Variants in DSCAML1 observed in about 807,000 individuals in gnomAD.
DSCAML1 encodes cell adhesion molecule DSCAML1.
In DSCAML1, 38 loss-of-function variants were observed where a neutral mutation model predicts 200.5. That is an observed-to-expected ratio of 0.19 (90% CI 0.15 to 0.25). The LOEUF is 0.25. DSCAML1 is among the 10% of genes least tolerant of loss of function. The pLI is 1.00. For missense variants in DSCAML1, 2,223 were observed against 2,858.8 expected (o/e 0.78, Z 5.07); for synonymous variants, 1,215 against 1,165.0 (o/e 1.04, Z -0.87).
intron 27 of DSCAML1, among the ~76,000 whole-genome samples, chr11:117,434,778 A>G (rs1314767865): frequency 2.0e-5 from 3 of 151,966 alleles, no homozygotes; most frequent in Non-Finnish European, 4.4e-5. Context: ...CTAGTCATTC[A>G]ATTATCCACC....
At chr11:117,533,428 C>T (rs1245373483) in intron 3 of DSCAML1, among the ~76,000 whole-genome samples, 1 of 152,194 alleles carries the variant, frequency 6.6e-6, no homozygotes, top group African/African-American at 2.4e-5. Flanking sequence ...CCTCCATCCC[C>T]TTCTCTCAAT....
chr11:117,585,877 C>G (rs1189662904), intron 3 of DSCAML1, among the ~76,000 whole-genome samples: 1 of 152,176 alleles, frequency 6.6e-6, no homozygotes, highest in Non-Finnish European at 1.5e-5. Flanking sequence ...TTTCCATGCT[C>G]TCACAGTATT....
chr11:117,597,348 G>A lies in DSCAML1; in HGVS notation c.512-64826C>T, dbSNP rs181188063. Among the ~76,000 whole-genome samples, 6 of 152,274 alleles carry A rather than the reference G, an allele frequency of 3.9e-5. No homozygotes were observed. The East Asian group carries it at 9.6e-4, about 24-fold the overall frequency. Reference sequence around the variant, plus strand: ...GAAACACCTCTGCAAGAAGCAAACTGGGGGGCAGGTGTGTGGGAGCAGGGC... The same window carrying A: ...GAAACACCTCTGCAAGAAGCAAACTAGGGGGCAGGTGTGTGGGAGCAGGGC... On this transcript the variant is annotated intron_variant, in intron 3 of 32. Coordinates refer to ENST00000651296, the MANE Select transcript of DSCAML1 (RefSeq NM_020693.4).
At chr11:117,444,829 C>G (rs1203432048) in intron 20 of DSCAML1, among the ~76,000 whole-genome samples, 1 of 152,160 alleles carries the variant, frequency 6.6e-6, no homozygotes, top group African/African-American at 2.4e-5. Flanking sequence ...CGCTAGTTTG[C>G]AGACCTCCTG....
intron 3 of DSCAML1, among the ~76,000 whole-genome samples, chr11:117,757,571 T>TACACACACACACAC (rs1491093522): frequency 1.7e-4 from 14 of 83,530 alleles, no homozygotes; most frequent in Admixed American, 3.2e-4. Context: ...ATTAGGAGCC[T>TACACACACACACAC]ATACACACAC....
chr11:117,439,173 T>G (rs1592575648), intron 23 of DSCAML1, 93 bp downstream of exon 23: 2 of 1,532,584 alleles, frequency 1.3e-6, no homozygotes, highest in African/African-American at 2.7e-5. Context: ...TTGGTTTGGC[T>G]TCTTCCATTC....
rs780161092 is a variant in DSCAML1 at position 117,642,290 on chromosome 11, C to G, written c.512-109768G>C. Among the ~76,000 whole-genome samples the G allele has an allele frequency of 1.3e-5, 2 of 152,180 alleles. No individual in the cohort carries two copies. Among genetic ancestry groups the G allele is most frequent in the South Asian group, 2.1e-4 (1 of 4,820 alleles). ...ATCCCCACAGTGCCCCTCTGAGGCT[C>G]TGAACCACTCTTCTTCCTATCTCAC... On this transcript the variant is annotated intron_variant, in intron 3 of 32. Coordinates refer to ENST00000651296, the MANE Select transcript of DSCAML1 (RefSeq NM_020693.4). This position sits in a 1 kb window ranked among gnomAD's most constrained non-coding sequence, Gnocchi z 4.1.
chr11:117,656,269 G>A (rs559315741), intron 3 of DSCAML1, among the ~76,000 whole-genome samples: 289 of 152,324 alleles, frequency 1.9e-3, no homozygotes, highest in Non-Finnish European at 2.9e-3. Flanking sequence ...GGAGAGCACC[G>A]GATCTGGAGT....
In DSCAML1 at chr11:117,796,104, G is replaced by C. The variant is rs2134078545; in HGVS notation, c.46+930C>G. On this transcript the variant is annotated intron_variant, in intron 1 of 32. Transcript: ENST00000651296. The stretch of plus-strand genomic sequence containing the variant: ...AGACTACCTGCGCCTGCCTGGTCCC[G>C]ACTCAGTGCCCAGGTGGCTTCAGTC... 2.0e-5 allele frequency among the ~76,000 whole-genome samples: 3 copies of C among 152,346 alleles called. No homozygotes were observed. The South Asian group carries it at 6.2e-4, about 32-fold the overall frequency.
intron 3 of DSCAML1, among the ~76,000 whole-genome samples, chr11:117,729,913 G>T (rs866267723): frequency 6.6e-6 from 1 of 152,214 alleles, no homozygotes; most frequent in African/African-American, 2.4e-5. Flanking sequence ...TTGAAAAAGG[G>T]AGTCAGGCCG....
chr11:117,603,363 G>A (rs1052708998), intron 3 of DSCAML1, among the ~76,000 whole-genome samples: 8 of 152,236 alleles, frequency 5.3e-5, no homozygotes, highest in Non-Finnish European at 1.2e-4. Context: ...AACCCCACGT[G>A]TAAATCACAT....
In DSCAML1 at chr11:117,623,748, T is replaced by G. The variant is rs79889019; in HGVS notation, c.512-91226A>C. Among the ~76,000 whole-genome samples the G allele has an allele frequency of 2.7e-3, 417 of 152,312 alleles. 1 individual carries two copies. Among genetic ancestry groups the G allele is most frequent in the African/African-American group, 9.5e-3 (395 of 41,572 alleles). On this transcript the variant is annotated intron_variant, in intron 3 of 32. Transcript: ENST00000651296. The stretch of plus-strand genomic sequence containing the variant: ...AAGACTTAGCCTGGCCCCTGCTATA[T>G]AGCAAATGTTCAATAATTTTTGGTT...
At chr11:117,713,423 C>T (rs2053888495) in intron 3 of DSCAML1, among the ~76,000 whole-genome samples, 1 of 152,036 alleles carries the variant, frequency 6.6e-6, no homozygotes, top group African/African-American at 2.4e-5. Context: ...GCCACCAATG[C>T]CCTCTTGATA....
chr11:117,536,728 A>C (rs1462927222), intron 3 of DSCAML1, among the ~76,000 whole-genome samples: 3 of 152,056 alleles, frequency 2.0e-5, no homozygotes, highest in Non-Finnish European at 2.9e-5. Context: ...ACATTGCTTG[A>C]TTGATTGACA....
At chr11:117,735,016 G>C (rs61903855) in intron 3 of DSCAML1, among the ~76,000 whole-genome samples, 5,049 of 152,252 alleles carry the variant, frequency 0.033, 106 homozygotes, top group Middle Eastern at 0.051. Context: ...TGGGGATTCA[G>C]GTCAGGCTGT....
chr11:117,566,539 T>G (rs1297531690), intron 3 of DSCAML1, among the ~76,000 whole-genome samples: 1 of 123,666 alleles, frequency 8.1e-6, no homozygotes, highest in Non-Finnish European at 1.8e-5. Context: ...TGTAGTGATG[T>G]GATTTTTGCC....
chr11:117,594,041 C>G (rs1035953494), intron 3 of DSCAML1, among the ~76,000 whole-genome samples: 2 of 152,112 alleles, frequency 1.3e-5, no homozygotes, highest in Non-Finnish European at 2.9e-5. Context: ...AGTGGCCCTT[C>G]TAAAAGGGAG....
chr11:117,661,081 C>A (rs2052839632), intron 3 of DSCAML1, among the ~76,000 whole-genome samples: 1 of 152,162 alleles, frequency 6.6e-6, no homozygotes, highest in Non-Finnish European at 1.5e-5. Flanking sequence ...ACAAAAATGC[C>A]TAGGCCACTG....
chr11:117,542,058 C>G (rs111698696), intron 3 of DSCAML1, among the ~76,000 whole-genome samples: 1 of 151,888 alleles, frequency 6.6e-6, no homozygotes, highest in African/African-American at 2.4e-5. Flanking sequence ...GCCTGTAATC[C>G]CAGCACTTTG....
Sources: gnomAD v4.1 joint callset for allele counts (sites outside exome capture counted in the v4.1 genomes callset) on GRCh38, gnomAD v4.1.1 for gene constraint, Gnocchi (gnomAD v3.1) non-coding constraint, MANE v1.5 for transcripts, NCBI Gene and HGNC (gene_info 2026-07-23, HGNC 2026-07-21) for gene names.